The following BFSP1 variants were observed in gnomAD, a reference collection of about 807,000 sequenced individuals.
BFSP1 encodes filensin.
A neutral mutation model predicts 43.9 loss-of-function variants in BFSP1; 38 were observed. The observed-to-expected ratio is 0.87, with a 90% CI of 0.67 to 1.14. BFSP1 has a LOEUF of 1.14. BFSP1 is among the 50% of genes most tolerant of loss of function. The pLI is 0.00. For missense variants in BFSP1, 850 were observed against 875.1 expected (o/e 0.97, Z 0.36); for synonymous variants, 352 against 354.8 (o/e 0.99, Z 0.09).
chr20:17,514,102 C>T (rs953460869), intron 3 of BFSP1, among the ~76,000 whole-genome samples: 2 of 152,190 alleles, frequency 1.3e-5, no homozygotes, highest in Non-Finnish European at 2.9e-5. Context: ...AGAGGGAAGC[C>T]CTGAGGCACC....
intron 1 of BFSP1, 50 bp from the exon 2 acceptor site, chr20:17,524,958 A>G (rs1186965400): frequency 2.0e-6 from 3 of 1,473,958 alleles, no homozygotes; most frequent in Non-Finnish European, 2.9e-6. Context: ...ATGCTTTCAC[A>G]TGTATGGATC....
At chr20:17,519,459 A>C (rs2034272835) in intron 2 of BFSP1, among the ~76,000 whole-genome samples, 1 of 152,200 alleles carries the variant, frequency 6.6e-6, no homozygotes, top group East Asian at 1.9e-4. Flanking sequence ...GCCTCCCTCC[A>C]TGTATGCAGG....
chr20:17,557,738 A>G (rs139039799), intron 1 of BFSP1, among the ~76,000 whole-genome samples: 2 of 152,198 alleles, frequency 1.3e-5, no homozygotes, highest in Non-Finnish European at 2.9e-5. Context: ...CCAAGTGTTT[A>G]TCGTGGTTCC....
At chr20:17,504,931 T>C (rs910204435) in intron 5 of BFSP1, among the ~76,000 whole-genome samples, 4 of 143,796 alleles carry the variant, frequency 2.8e-5, no homozygotes, top group African/African-American at 1.1e-4. Context: ...TGTTTTTGTT[T>C]TTGTTTTGTC....
upstream of BFSP1, among the ~76,000 whole-genome samples, chr20:17,533,761 A>G (rs372693157): frequency 9.8e-5 from 15 of 152,370 alleles, no homozygotes; most frequent in East Asian, 2.9e-3. Flanking sequence ...TCGACCACAC[A>G]TGGCAATACC....
intron 1 of BFSP1, among the ~76,000 whole-genome samples, chr20:17,553,290 G>A (rs6111564): frequency 6.6e-6 from 1 of 152,136 alleles, no homozygotes; most frequent in East Asian, 1.9e-4. Flanking sequence ...AGCAGTTTCA[G>A]GAAAGTGGTG....
In BFSP1 at chr20:17,507,793, C is replaced by T. The variant is rs1395117773; in HGVS notation, c.735+1096G>A. On this transcript the variant is annotated intron_variant, in intron 5 of 7. Transcript: ENST00000377873. The surrounding 1 kb of genome is among the most constrained non-coding windows in gnomAD (Gnocchi z 4.4). ...TCACAAGAAGGAGGAGTTTTAAGTG[C>T]CTTACTTGGTTCCTCCTGCTGCGAT... is the stretch of plus-strand genomic sequence containing the variant. Among the ~76,000 whole-genome samples the T allele has an allele frequency of 6.6e-6, 1 of 152,156 alleles. No individual in the cohort carries two copies. The highest frequency in any genetic ancestry group is 2.4e-5 in the African/African-American group (1 of 41,422).
In BFSP1 at chr20:17,530,999, G is replaced by T. The variant is rs1415088398; in HGVS notation, c.331C>A (p.Arg111Ser). The T allele has an allele frequency of 7.0e-7, 1 of 1,437,504 alleles. No individual in the cohort carries two copies. Among genetic ancestry groups the T allele is most frequent in the Non-Finnish European group, 9.1e-7 (1 of 1,100,330 alleles). 89.0% of individuals were successfully genotyped at this position (1,437,504 alleles called of 1,614,324 possible). ...DLEAERARLE[R>S]QGTEAQRALD... ...GCGCGCTGCGCCTCGGTGCCCTGGC[G>T]CTCCAGCCGGGCGCGCTCGGCCTCC... Residue 111 changes from arginine to serine, a missense_variant, in exon 1 of 8, where the codon CGC becomes AGC. Coordinates refer to ENST00000377873, the MANE Select transcript of BFSP1 (RefSeq NM_001195.5).
At chr20:17,537,912 A>T (rs1170139367) in intron 1 of BFSP1, among the ~76,000 whole-genome samples, 2 of 152,042 alleles carry the variant, frequency 1.3e-5, no homozygotes, top group Non-Finnish European at 2.9e-5. Flanking sequence ...GAGCCCAGGA[A>T]TCCAAGACCA....
Position 17,531,066 on chromosome 20 carries a change from G to A in BFSP1, c.264C>T (p.Leu88=), listed in dbSNP as rs1391037072. ...GGCGGTTGCTCTCGACTTGGCGGGC[G>A]AGGGCGTCCTCGGGCCCGGCCAGCT... is the stretch of plus-strand genomic sequence containing the variant. ...LGELAGPEDA[L]ARQVESNRQR... Residue 88 remains leucine (L), a synonymous_variant, in exon 1 of 8, where the codon CTC becomes CTT. Transcript: ENST00000377873. The A allele has an allele frequency of 2.1e-6, 3 of 1,399,438 alleles. No homozygotes were observed. The highest frequency in any genetic ancestry group is 2.8e-6 in the Non-Finnish European group (3 of 1,078,548). 86.7% of individuals were successfully genotyped at this position (1,399,438 alleles called of 1,614,324 possible). A position where few individuals can be genotyped will look rare whatever the true frequency, so the allele number is the denominator to read the frequency against.
In BFSP1 at chr20:17,494,646, C is replaced by A; in HGVS notation, c.1426G>T (p.Asp476Tyr). 1 of 1,614,212 alleles carries A rather than the reference C, an allele frequency of 6.2e-7. No individual in the cohort carries two copies. ...TKERHVLVTG[D>Y]ANYVDPRFYV... ...AATCTAGGGTCCACGTAATTGGCAT[C>A]CCCTGTGACCAGCACGTGCCGCTCT... Residue 476 changes from aspartate (D) to tyrosine (Y), a missense_variant, in exon 8 of 8, where the codon GAT (aspartate) becomes TAT (tyrosine). Transcript: ENST00000377873.
At chr20:17,543,741 C>G (rs535538368) in intron 1 of BFSP1, among the ~76,000 whole-genome samples, 2 of 151,660 alleles carry the variant, frequency 1.3e-5, no homozygotes, top group African/African-American at 4.8e-5. Flanking sequence ...TGAAGATATG[C>G]GAAGCAACTT....
At chr20:17,538,931 C>G (rs569839804) in intron 1 of BFSP1, among the ~76,000 whole-genome samples, 2 of 152,040 alleles carry the variant, frequency 1.3e-5, no homozygotes, top group Non-Finnish European at 2.9e-5. Flanking sequence ...AACCACAGCC[C>G]GTTTCCTTCT....
intron 5 of BFSP1, among the ~76,000 whole-genome samples, chr20:17,503,024 C>G (rs2033840746): frequency 6.6e-6 from 1 of 152,124 alleles, no homozygotes; most frequent in African/African-American, 2.4e-5. Flanking sequence ...AGACTATTCT[C>G]ACTTTTAATT....
At chr20:17,500,488 C>T (rs866842314) in intron 5 of BFSP1, among the ~76,000 whole-genome samples, 1 of 152,110 alleles carries the variant, frequency 6.6e-6, no homozygotes, top group African/African-American at 2.4e-5. Context: ...TCTGTGAGGA[C>T]GCCGGCGTAA....
chr20:17,513,264 C>T lies in BFSP1; in HGVS notation c.535-1196G>A, dbSNP rs368362676. On this transcript the variant is annotated intron_variant, in intron 3 of 7. Coordinates refer to ENST00000377873, the MANE Select transcript of BFSP1 (RefSeq NM_001195.5). ...CCCTTCTCAGAGCCCTCCACTAAGA[C>T]ATCAGTGACAAAAAATCACTACCTA... 7.2e-5 allele frequency among the ~76,000 whole-genome samples: 11 copies of T among 152,260 alleles called. No individual in the cohort carries two copies. In the East Asian group the frequency reaches 1.9e-3, roughly 27 times the overall value.
At chr20:17,519,111 A>G (rs1421937608) in intron 2 of BFSP1, among the ~76,000 whole-genome samples, 1 of 152,200 alleles carries the variant, frequency 6.6e-6, no homozygotes, top group Admixed American at 6.5e-5. Context: ...GGTGGGGCAC[A>G]GAATTCTCAA....
intron 1 of BFSP1, among the ~76,000 whole-genome samples, chr20:17,547,026 CAAA>C (rs11324389): frequency 1.2e-4 from 9 of 77,574 alleles, no homozygotes; most frequent in Admixed American, 3.0e-4. Flanking sequence ...GACTCCATCT[CAAA>C]AAAAAAAAAA....
At chr20:17,533,569 C>T (rs554801511), upstream of BFSP1, among the ~76,000 whole-genome samples, 1 of 152,190 alleles carries the variant, frequency 6.6e-6, no homozygotes, top group Non-Finnish European at 1.5e-5. Context: ...GCCACACAAG[C>T]TCATCCCAGG....
Sources: allele counts gnomAD v4.1 joint callset (sites outside exome capture counted in the v4.1 genomes callset), GRCh38; gene constraint gnomAD v4.1.1; non-coding constraint Gnocchi (gnomAD v3.1); transcripts MANE v1.5; gene names NCBI Gene and HGNC (gene_info 2026-07-23, HGNC 2026-07-21).